The following KIF26B variants were observed in gnomAD, a reference collection of about 807,000 sequenced individuals.
The protein encoded by KIF26B is kinesin family member 26B.
Under a neutral mutation model 151.2 loss-of-function variants are expected in KIF26B, and 63 were observed. That is an observed-to-expected ratio of 0.42 (90% CI 0.34 to 0.51). The LOEUF is 0.51. Among genes scored for constraint, KIF26B ranks in the 20% least tolerant of loss-of-function variants. The pLI, the probability that KIF26B is intolerant of heterozygous loss-of-function variation, is 0.07. For missense variants in KIF26B, 2,813 were observed against 2,913.6 expected, an observed-to-expected ratio of 0.97 and a Z score of 0.79; for synonymous variants, 1,357 against 1,262.1, an observed-to-expected ratio of 1.08 and a Z score of -1.59.
chr1:245,395,560 G>A (rs185792664), intron 3 of KIF26B, among the ~76,000 whole-genome samples: 69 of 152,272 alleles, frequency 4.5e-4, no homozygotes, highest in African/African-American at 1.6e-3. Context: ...AGACCCGGCG[G>A]GGTGCTGAGC....
chr1:245,282,737 C>G (rs1671081952), intron 2 of KIF26B: 1 of 160,188 alleles, frequency 6.2e-6, no homozygotes, highest in Non-Finnish European at 1.4e-5. Context: ...GGAGCCCCCG[C>G]TCCCTCTGTC....
At chr1:245,296,720 G>T (rs558991444) in intron 2 of KIF26B, among the ~76,000 whole-genome samples, 76 of 152,272 alleles carry the variant, frequency 5.0e-4, no homozygotes, top group African/African-American at 1.8e-3. Context: ...TCCATCATGT[G>T]TCTAGAATTC....
intron 2 of KIF26B, among the ~76,000 whole-genome samples, chr1:245,192,694 G>A (rs934017371): frequency 6.6e-6 from 1 of 152,212 alleles, no homozygotes; most frequent in Non-Finnish European, 1.5e-5. Context: ...TTCTTGGGGA[G>A]AGGAGTCTAA....
intron 5 of KIF26B, among the ~76,000 whole-genome samples, chr1:245,552,591 C>A (rs2103110407): frequency 6.6e-6 from 1 of 151,308 alleles, no homozygotes; most frequent in South Asian, 2.1e-4. Context: ...ATTTCCATGC[C>A]CTTGCACCTA....
At chr1:245,379,759 T>G (rs2103016862) in intron 3 of KIF26B, among the ~76,000 whole-genome samples, 1 of 152,110 alleles carries the variant, frequency 6.6e-6, no homozygotes, top group Non-Finnish European at 1.5e-5. Flanking sequence ...CCACCTGAGG[T>G]CAGGAGTTCA....
At chr1:245,527,373 A>G (rs768678464) in intron 4 of KIF26B, among the ~76,000 whole-genome samples, 1 of 152,060 alleles carries the variant, frequency 6.6e-6, no homozygotes, top group Non-Finnish European at 1.5e-5. Context: ...TTCTCTGTCT[A>G]TATTTATAGG....
chr1:245,169,387 C>G (rs1431733797), intron 2 of KIF26B, among the ~76,000 whole-genome samples: 1 of 143,254 alleles, frequency 7.0e-6, no homozygotes, highest in Non-Finnish European at 1.5e-5. Flanking sequence ...TGTGGAGGCC[C>G]TGAAGGCAGC....
chr1:245,468,607 A>G (rs768909775), intron 4 of KIF26B, among the ~76,000 whole-genome samples: 11 of 152,220 alleles, frequency 7.2e-5, no homozygotes, highest in Non-Finnish European at 1.0e-4. Flanking sequence ...CTTTGCTGAG[A>G]AGAAGGGAGC....
intron 4 of KIF26B, among the ~76,000 whole-genome samples, chr1:245,490,091 G>A (rs1001381303): frequency 3.9e-5 from 6 of 152,126 alleles, no homozygotes; most frequent in East Asian, 1.9e-4. Flanking sequence ...ACTCCTCAGA[G>A]CAGTAAGTCA....
intron 9 of KIF26B, among the ~76,000 whole-genome samples, chr1:245,643,110 C>G (rs2043911069): frequency 6.6e-6 from 1 of 152,110 alleles, no homozygotes; most frequent in Non-Finnish European, 1.5e-5. Context: ...TTGTTTATTT[C>G]TATTTGAAGT....
At chr1:245,161,603 G>A (rs1668530561) in intron 2 of KIF26B, among the ~76,000 whole-genome samples, 1 of 152,048 alleles carries the variant, frequency 6.6e-6, no homozygotes, top group South Asian at 2.1e-4. Flanking sequence ...GGCTAACAAC[G>A]ATTGTCCTAC....
intron 2 of KIF26B, among the ~76,000 whole-genome samples, chr1:245,256,591 C>T (rs1670540601): frequency 6.6e-6 from 1 of 152,148 alleles, no homozygotes; most frequent in Non-Finnish European, 1.5e-5. Context: ...ACATTCTGAG[C>T]TCCCCAACCA....
Position 245,687,125 on chromosome 1 carries a change from G to A in KIF26B, c.4142G>A (p.Cys1381Tyr). Reference protein sequence around the residue: ...TISNTANLSSCEGYIPMKTNI... With the variant: ...TISNTANLSSYEGYIPMKTNI... Reference sequence around the variant, plus strand: ...TCCAACACGGCCAATCTGAGCAGCTGCGAGGGGTACATCCCCATGAAGACC... The same window carrying A: ...TCCAACACGGCCAATCTGAGCAGCTACGAGGGGTACATCCCCATGAAGACC... The change falls in exon 12 of 15, where the codon TGC (cysteine) becomes TAC (tyrosine). Residue 1381 changes from cysteine (C) to tyrosine (Y), a missense_variant. Cys to Tyr is a radical substitution (Grantham distance 194). Around this residue, in one of 3 missense-constraint regions of KIF26B, gnomAD observed 2,060 missense variants for 2,088.6 expected, o/e 0.99. Transcript: ENST00000407071. This position sits in a 1 kb window ranked among gnomAD's most constrained non-coding sequence, Gnocchi z 4.9. The A allele has an allele frequency of 5.6e-6, 9 of 1,613,424 alleles. No homozygotes were observed. The highest frequency in any genetic ancestry group is 7.6e-6 in the Non-Finnish European group (9 of 1,179,846).
intron 5 of KIF26B, among the ~76,000 whole-genome samples, chr1:245,541,362 T>G (rs1661617733): frequency 6.6e-6 from 1 of 152,174 alleles, no homozygotes; most frequent in Non-Finnish European, 1.5e-5. Context: ...TTCAGAGAAA[T>G]CCTGACTTCT....
chr1:245,524,949 C>T (rs1661207293), intron 4 of KIF26B, among the ~76,000 whole-genome samples: 2 of 152,076 alleles, frequency 1.3e-5, no homozygotes, highest in African/African-American at 4.8e-5. Context: ...CTCTCAGGGG[C>T]ATTTAACATT....
chr1:245,427,332 G>T (rs535014361), intron 4 of KIF26B, among the ~76,000 whole-genome samples: 35 of 152,322 alleles, frequency 2.3e-4, no homozygotes, highest in South Asian at 4.1e-4. Flanking sequence ...AACAGGCCAG[G>T]CGTGGTGGCT....
At chr1:245,215,546 T>C (rs1457355736) in intron 2 of KIF26B, among the ~76,000 whole-genome samples, 1 of 152,154 alleles carries the variant, frequency 6.6e-6, no homozygotes, top group Non-Finnish European at 1.5e-5. Flanking sequence ...CTCTGGAGGA[T>C]TCATTTCATT....
At chr1:245,197,205 G>A (rs922231314) in intron 2 of KIF26B, among the ~76,000 whole-genome samples, 13 of 152,176 alleles carry the variant, frequency 8.5e-5, no homozygotes, top group South Asian at 6.2e-4. Context: ...AGAAGAAAGC[G>A]CTGCATAGTC....
chr1:245,696,928 C>T (rs1457246161), intron 12 of KIF26B, among the ~76,000 whole-genome samples: 2 of 152,048 alleles, frequency 1.3e-5, no homozygotes, highest in East Asian at 1.9e-4. Flanking sequence ...TGGCCAACAT[C>T]GTGAAACCCT....
Sources: gnomAD v4.1 joint callset for allele counts (sites outside exome capture counted in the v4.1 genomes callset) on GRCh38, gnomAD v4.1.1 for gene constraint, gnomAD v4.1.1 regional missense constraint, Gnocchi (gnomAD v3.1) non-coding constraint, MANE v1.5 for transcripts, NCBI Gene and HGNC (gene_info 2026-07-23, HGNC 2026-07-21) for gene names.